The following STAT5B variants were observed in gnomAD, a reference collection of about 807,000 sequenced individuals.
STAT5B encodes signal transducer and activator of transcription 5B.
Under a neutral mutation model 107.8 loss-of-function variants are expected in STAT5B, and 21 were observed. That is an observed-to-expected ratio of 0.19 (90% CI 0.14 to 0.28). The LOEUF (loss-of-function observed/expected upper bound fraction) is 0.28. STAT5B is among the 10% of genes least tolerant of loss of function. The probability of loss-of-function intolerance (pLI) is 1.00; values close to 1 mark genes in which losing one functional copy is unlikely to be tolerated. For synonymous variants in STAT5B, 325 were observed against 401.7 expected (o/e 0.81, Z 2.28); for missense variants, 565 against 1,008.2 (o/e 0.56, Z 5.95).
chr17:42,281,582 C>T (rs1207247140), upstream of STAT5B, among the ~76,000 whole-genome samples: 1 of 152,164 alleles, frequency 6.6e-6, no homozygotes, highest in Non-Finnish European at 1.5e-5. Context: ...GTGTGCTGGC[C>T]AGGAGAGAGC....
upstream of STAT5B, among the ~76,000 whole-genome samples, chr17:42,281,425 G>C (rs2080795341): frequency 6.6e-6 from 1 of 152,188 alleles, no homozygotes; most frequent in Non-Finnish European, 1.5e-5. Context: ...TATATCATGT[G>C]CAGATGCTCC....
chr17:42,235,772 G>C, intron 1 of STAT5B, among the ~76,000 whole-genome samples: 1 of 152,120 alleles, frequency 6.6e-6, no homozygotes, highest in East Asian at 1.9e-4. Flanking sequence ...CACCACGCTC[G>C]GCCAGGAGCA....
chr17:42,262,970 G>GTGTGTATATATA (rs2080626695), intron 1 of STAT5B, among the ~76,000 whole-genome samples: 1 of 20,946 alleles, frequency 4.8e-5, no homozygotes, highest in Non-Finnish European at 8.3e-5. Context: ...GTGTGTGTGT[G>GTGTGTATATATA]TATATATATA....
chr17:42,262,802 G>GTC (rs1555553461), intron 1 of STAT5B, among the ~76,000 whole-genome samples: 1 of 92,300 alleles, frequency 1.1e-5, no homozygotes, highest in African/African-American at 5.4e-5. Context: ...ATATATGTGT[G>GTC]TATATATACA....
rs866746163 is a variant in STAT5B at position 42,208,739 on chromosome 17, T to C, written c.1907-1011A>G. Among the ~76,000 whole-genome samples the C allele has an allele frequency of 2.6e-5, 4 of 151,980 alleles. 1 individual carries two copies. Among genetic ancestry groups the C allele is most frequent in the Middle Eastern group, 6.8e-3 (2 of 294 alleles). ...TAAGAGCTATTAAAAGTGATGAATT[T>C]TTTTTTTTTCGAGATGGAGTCTTGC... On this transcript the variant is annotated intron_variant, in intron 15 of 18. Coordinates refer to ENST00000293328, the MANE Select transcript of STAT5B (RefSeq NM_012448.4).
chr17:42,285,694 T>G, the STAT5B span, among the ~76,000 whole-genome samples: 2 of 152,160 alleles, frequency 1.3e-5, no homozygotes, highest in African/African-American at 4.8e-5. Context: ...TCTGGGTAGT[T>G]GTGTTATCTG....
intron 1 of STAT5B, among the ~76,000 whole-genome samples, chr17:42,267,078 A>G (rs1181486648): frequency 6.6e-6 from 1 of 152,222 alleles, no homozygotes; most frequent in Non-Finnish European, 1.5e-5. Context: ...GTGACGCTGT[A>G]GCCATCATAA....
At chr17:42,208,021 A>G (rs939482559) in intron 15 of STAT5B, among the ~76,000 whole-genome samples, 2 of 152,180 alleles carry the variant, frequency 1.3e-5, no homozygotes, top group East Asian at 3.9e-4. Flanking sequence ...CAGCCTCCCA[A>G]GTAGCTGGGA....
chr17:42,231,685 T>C (rs2080318742), intron 2 of STAT5B, among the ~76,000 whole-genome samples: 1 of 152,152 alleles, frequency 6.6e-6, no homozygotes. Flanking sequence ...AGGCATCCCA[T>C]GGGCACTCGA....
intron 1 of STAT5B, among the ~76,000 whole-genome samples, chr17:42,241,339 T>C (rs1433161135): frequency 8.4e-6 from 1 of 118,646 alleles, no homozygotes; most frequent in Non-Finnish European, 1.7e-5. Context: ...AAACTCCATC[T>C]CAAAAAAAAA....
intron 1 of STAT5B, among the ~76,000 whole-genome samples, chr17:42,242,114 T>C (rs1040138022): frequency 6.6e-6 from 1 of 151,618 alleles, no homozygotes; most frequent in Non-Finnish European, 1.5e-5. Flanking sequence ...CATATTACAA[T>C]AGGAAGAACA....
chr17:42,207,848 T>C (rs868156257), intron 15 of STAT5B, 120 bp from the exon 16 acceptor site: 12 of 1,004,972 alleles, frequency 1.2e-5, no homozygotes, highest in Admixed American at 4.9e-5. Context: ...GAAATCTCCA[T>C]TTAAAAATAA....
At chr17:42,207,909 ATTTT>A (rs2080099240) in intron 15 of STAT5B, among the ~76,000 whole-genome samples, 181 bp from the exon 16 acceptor site, 1 of 152,222 alleles carries the variant, frequency 6.6e-6, no homozygotes, top group East Asian at 1.9e-4. Flanking sequence ...TTACTTACTT[ATTTT>A]GAGACGGAGT....
chr17:42,280,183 G>T (rs1598348825), upstream of STAT5B, among the ~76,000 whole-genome samples: 1 of 152,222 alleles, frequency 6.6e-6, no homozygotes, highest in East Asian at 1.9e-4. Context: ...ACCCAAGAAG[G>T]TACCTGGAGA....
Position 42,223,574 on chromosome 17 carries a change from G to A in STAT5B, c.376-18C>T, listed in dbSNP as rs916003855. 29 of 1,612,158 alleles carry A rather than the reference G, an allele frequency of 1.8e-5. No homozygotes were observed. The highest frequency in any genetic ancestry group is 2.3e-5 in the Non-Finnish European group (27 of 1,178,546). ...GAGCTACCCTGGGAACATATGGGGG[G>A]CAGTGCAAGGCAGTGCGAATGGGAG... On this transcript the variant is annotated intron_variant, in intron 4 of 18. Coordinates refer to ENST00000293328, the MANE Select transcript of STAT5B (RefSeq NM_012448.4).
At chr17:42,279,504 G>A (rs555861103), upstream of STAT5B, among the ~76,000 whole-genome samples, 37 of 152,200 alleles carry the variant, frequency 2.4e-4, 1 homozygote, top group South Asian at 1.5e-3. Flanking sequence ...TGTCCTGAAG[G>A]GGGCCGGGCG....
intron 1 of STAT5B, among the ~76,000 whole-genome samples, chr17:42,255,349 C>G (rs1379913051): frequency 6.6e-6 from 1 of 152,178 alleles, no homozygotes; most frequent in Non-Finnish European, 1.5e-5. Context: ...CACAGGCATA[C>G]AGATGAGGAA....
intron 1 of STAT5B, among the ~76,000 whole-genome samples, chr17:42,262,904 A>ACACATATATG (rs2080620126): frequency 8.3e-6 from 1 of 120,704 alleles, no homozygotes; most frequent in African/African-American, 3.2e-5. Context: ...GTGTATATAT[A>ACACATATATG]TGTGTATATA....
At chr17:42,237,584 G>C (rs988940722) in intron 1 of STAT5B, among the ~76,000 whole-genome samples, 14 of 151,918 alleles carry the variant, frequency 9.2e-5, no homozygotes, top group African/African-American at 3.1e-4. Flanking sequence ...TGGGAGTAGG[G>C]GGTTAATATG....
Sources: gnomAD v4.1 joint callset for allele counts (sites outside exome capture counted in the v4.1 genomes callset) on GRCh38, gnomAD v4.1.1 for gene constraint, MANE v1.5 for transcripts, NCBI Gene and HGNC (gene_info 2026-07-23, HGNC 2026-07-21) for gene names.